The following LVRN variants were observed in gnomAD, a reference collection of about 807,000 sequenced individuals.
The protein encoded by LVRN is aminopeptidase Q.
Under a neutral mutation model 111.4 loss-of-function variants are expected in LVRN, and 99 were observed. The observed-to-expected ratio is 0.89, with a 90% CI of 0.76 to 1.05. The LOEUF (loss-of-function observed/expected upper bound fraction) is 1.05. Among genes scored for constraint, LVRN ranks in the 50% least tolerant of loss-of-function variants. LVRN has a pLI of 0.00. For synonymous variants in LVRN, 488 were observed against 449.5 expected (o/e 1.09, Z -1.08); for missense variants, 1,414 against 1,206.8 (o/e 1.17, Z -2.54).
In LVRN at chr5:116,012,395, A is replaced by T. The variant is rs756800971; in HGVS notation, c.2269A>T (p.Asn757Tyr). 1.3e-6 allele frequency: 2 copies of T among 1,509,700 alleles called. No individual in the cohort carries two copies. Among genetic ancestry groups the T allele is most frequent in the South Asian group, 1.2e-5 (1 of 85,454 alleles). 93.5% of individuals were successfully genotyped at this position (1,509,700 alleles called of 1,614,324 possible). Residue 757 changes from asparagine (N) to tyrosine (Y), a missense_variant, in exon 15 of 20, where the codon AAT (asparagine) becomes TAT (tyrosine). Coordinates refer to ENST00000357872, the MANE Select transcript of LVRN (RefSeq NM_173800.5). ...LLKRYLLKRLNLIWNIYSTII... is the reference protein window; with the variant it reads ...LLKRYLLKRLYLIWNIYSTII... ...ATAGAGGTACCTATTAAAGAGACTT[A>T]ATTTAATATGGAATATTTATTCAAC...
chr5:115,992,199 G>C lies in LVRN; in HGVS notation c.1182G>C (p.Leu394Phe). Residue 394 changes from leucine to phenylalanine, a missense_variant, in exon 5 of 20, where the codon TTG (leucine) becomes TTC (phenylalanine). Physicochemically the swap from Leu to Phe is conservative, Grantham distance 22. Coordinates refer to ENST00000357872, the MANE Select transcript of LVRN (RefSeq NM_173800.5). ...TAATGATATTTGATGAATCAGGATT[G>C]TTGTTGGAACCAAAAGATCAACTGA... Reference protein sequence around the residue: ...WGLMIFDESGLLLEPKDQLTE... With the variant: ...WGLMIFDESGFLLEPKDQLTE... 6.2e-7 allele frequency: 1 copy of C among 1,613,914 alleles called. No homozygotes were observed. The highest frequency in any genetic ancestry group is 1.1e-5 in the South Asian group (1 of 91,076).
chr5:115,963,175 A>G lies in LVRN; in HGVS notation c.558A>G (p.Glu186=), dbSNP rs1753127131. The change falls in exon 1 of 20, where the codon GAA becomes GAG. Residue 186 remains glutamate, a synonymous_variant. Coordinates refer to ENST00000357872, the MANE Select transcript of LVRN (RefSeq NM_173800.5). ...VDDVWFALDT[E]YMVLELSEPL... is the part of the protein sequence containing the mutation. ...ACGTGTGGTTCGCGCTGGACACGGA[A>G]TACATGGTGCTGGAGCTCAGTGAGC... 6.2e-7 allele frequency: 1 copy of G among 1,612,844 alleles called. No homozygotes were observed. The highest frequency in any genetic ancestry group is 1.1e-5 in the South Asian group (1 of 90,992).
chr5:116,022,795 T>C (rs983349910), intron 19 of LVRN, among the ~76,000 whole-genome samples: 12 of 152,314 alleles, frequency 7.9e-5, no homozygotes, highest in African/African-American at 2.6e-4. Context: ...CAGTAGCTTT[T>C]CATAGCTTTT....
chr5:115,983,523 G>GC, intron 2 of LVRN, 94 bp downstream of exon 2: 2 of 1,359,804 alleles, frequency 1.5e-6, no homozygotes, highest in South Asian at 1.7e-5. Context: ...GTGTATTATG[G>GC]TGTATTATAA....
chr5:116,021,377 C>A (rs1284623657), intron 18 of LVRN: 1 of 152,184 alleles, frequency 6.6e-6, no homozygotes, highest in Non-Finnish European at 1.5e-5. Context: ...TTTTTGCTGC[C>A]TAGCTGGCCA....
intron 18 of LVRN, among the ~76,000 whole-genome samples, chr5:116,018,959 C>A (rs539001833): frequency 6.6e-6 from 1 of 152,068 alleles, no homozygotes; most frequent in African/African-American, 2.4e-5. Flanking sequence ...TATCAACATC[C>A]TGCATCAGAG....
At chr5:115,989,403 G>T (rs1360620361) in intron 4 of LVRN, among the ~76,000 whole-genome samples, 1 of 152,086 alleles carries the variant, frequency 6.6e-6, no homozygotes, top group Non-Finnish European at 1.5e-5. Context: ...CTATCCACTG[G>T]TTAATTCAAT....
At chr5:116,017,162 A>G (rs903970910) in intron 18 of LVRN, among the ~76,000 whole-genome samples, 3 of 152,234 alleles carry the variant, frequency 2.0e-5, no homozygotes, top group South Asian at 4.1e-4. Flanking sequence ...GAACACCAGG[A>G]AATGCCTGGA....
At chr5:115,963,358 G>C in intron 1 of LVRN, 46 bp downstream of exon 1, 3 of 1,471,180 alleles carry the variant, frequency 2.0e-6, no homozygotes, top group Non-Finnish European at 2.7e-6. Context: ...CCGCCCCTGC[G>C]TCCCGGTGCA....
At chr5:116,000,856 C>G (rs1027648451) in intron 9 of LVRN, among the ~76,000 whole-genome samples, 198 bp downstream of exon 9, 3 of 152,060 alleles carry the variant, frequency 2.0e-5, no homozygotes, top group African/African-American at 7.2e-5. Flanking sequence ...TATGTTAGAT[C>G]AATAAATATG....
At chr5:115,976,417 A>T (rs1753450532) in intron 1 of LVRN, 1 of 151,988 alleles carries the variant, frequency 6.6e-6, no homozygotes. Flanking sequence ...GATTTTCTCT[A>T]TTGATTTTCT....
At position 116,026,143 on chromosome 5, in the gene LVRN, T is replaced by G. The variant is rs1041496164; in HGVS notation, c.*25T>G. 1 of 1,613,074 alleles carries G rather than the reference T, an allele frequency of 6.2e-7. No homozygotes were observed. The highest frequency in any genetic ancestry group is 8.5e-7 in the Non-Finnish European group (1 of 1,179,502). ...GCTTGTGGCTATCTTTCAGCACTCCTCTTGCATATTATAATGTAGTTTGTT... is the reference window on the plus strand; with the variant it reads ...GCTTGTGGCTATCTTTCAGCACTCCGCTTGCATATTATAATGTAGTTTGTT... On this transcript the variant is annotated 3_prime_UTR_variant, in exon 20 of 20. Coordinates refer to ENST00000357872, the MANE Select transcript of LVRN (RefSeq NM_173800.5).
At position 116,015,367 on chromosome 5, in the gene LVRN, A is replaced by G. The variant is rs774909264; in HGVS notation, c.2566A>G (p.Ile856Val). 1 of 1,611,230 alleles carries G rather than the reference A, an allele frequency of 6.2e-7. No individual in the cohort carries two copies. Among genetic ancestry groups the G allele is most frequent in the Admixed American group, 1.7e-5 (1 of 59,680 alleles). ...TAATACAACAAACAAAGAAGAAAAGATTCAACTTGCTTATGCAATGAGCTG... is the reference window on the plus strand; with the variant it reads ...TAATACAACAAACAAAGAAGAAAAGGTTCAACTTGCTTATGCAATGAGCTG... ...YTNTTNKEEK[I>V]QLAYAMSCSK... is the part of the protein sequence containing the mutation. Residue 856 changes from isoleucine to valine, a missense_variant, in exon 17 of 20, where the codon ATT becomes GTT. Transcript: ENST00000357872.
chr5:115,980,031 A>C (rs1022021868), intron 1 of LVRN, among the ~76,000 whole-genome samples: 1 of 152,174 alleles, frequency 6.6e-6, no homozygotes, highest in East Asian at 1.9e-4. Flanking sequence ...CAGTGAGTCC[A>C]TGATTCTCTT....
intron 13 of LVRN, 57 bp downstream of exon 13, chr5:116,006,024 A>G: frequency 7.3e-7 from 1 of 1,361,006 alleles, no homozygotes; most frequent in South Asian, 1.2e-5. Context: ...CTTTATAAAA[A>G]TAATAGCTTC....
chr5:116,011,312 G>A (rs57829597), intron 14 of LVRN, among the ~76,000 whole-genome samples: 2,467 of 151,822 alleles, frequency 0.016, 44 homozygotes, highest in African/African-American at 0.043. Context: ...TGACTCATAG[G>A]AACAGCACTT....
chr5:116,009,446 C>T (rs1748443034), intron 13 of LVRN, among the ~76,000 whole-genome samples: 2 of 152,132 alleles, frequency 1.3e-5, no homozygotes, highest in Non-Finnish European at 2.9e-5. Context: ...TTAAGAAATA[C>T]ATTTTGTAAG....
intron 3 of LVRN, among the ~76,000 whole-genome samples, chr5:115,985,148 A>T (rs1747828754): frequency 6.6e-6 from 1 of 152,160 alleles, no homozygotes; most frequent in African/African-American, 2.4e-5. Context: ...GTCAAAACGG[A>T]CACCAGCCAG....
chr5:115,986,153 T>C (rs1441196402), intron 3 of LVRN, among the ~76,000 whole-genome samples: 3 of 152,258 alleles, frequency 2.0e-5, no homozygotes, highest in Admixed American at 2.0e-4. Context: ...GTTATCTTCC[T>C]AGGCTGTTGG....
Sources: allele counts gnomAD v4.1 joint callset (sites outside exome capture counted in the v4.1 genomes callset), GRCh38; gene constraint gnomAD v4.1.1; transcripts MANE v1.5; gene names NCBI Gene and HGNC (gene_info 2026-07-23, HGNC 2026-07-21).